GRAMD1C: variants seen among roughly 807,000 people sequenced by gnomAD.
GRAMD1C encodes GRAM domain containing 1C.
In GRAMD1C, 89 loss-of-function variants were observed where a neutral mutation model predicts 97.8. That is an observed-to-expected ratio of 0.91 (90% CI 0.77 to 1.09). GRAMD1C has a LOEUF of 1.09. GRAMD1C is among the 50% of genes least tolerant of loss of function. The probability of loss-of-function intolerance (pLI) is 0.00; values close to 1 mark genes in which losing one functional copy is unlikely to be tolerated. For synonymous variants in GRAMD1C, 256 were observed against 267.0 expected (o/e 0.96, Z 0.40); for missense variants, 740 against 766.4 (o/e 0.97, Z 0.41).
intron 6 of GRAMD1C, among the ~76,000 whole-genome samples, chr3:113,885,017 C>T (rs1935409001): frequency 2.7e-5 from 4 of 150,086 alleles, no homozygotes; most frequent in Admixed American, 2.6e-4. Flanking sequence ...CATCCTAGCC[C>T]GACCTGTCTC....
chr3:113,882,733 CT>C lies in GRAMD1C; in HGVS notation c.460-18del. 7.2e-7 allele frequency: 1 copy of C among 1,393,714 alleles called. No homozygotes were observed. The highest frequency in any genetic ancestry group is 1.0e-6 in the Non-Finnish European group (1 of 979,616). 86.3% of individuals were successfully genotyped at this position (1,393,714 alleles called of 1,614,324 possible). On this transcript the variant is annotated intron_variant, in intron 5 of 17. Coordinates refer to ENST00000358160, the MANE Select transcript of GRAMD1C (RefSeq NM_017577.5). The stretch of plus-strand genomic sequence containing the variant: ...TATTTTCCATGACACTAAAATTCTC[CT>C]ATTATTTTTCTTTGCAGTTTTTCTT...
chr3:113,914,380 A>T (rs1936723647), intron 9 of GRAMD1C, among the ~76,000 whole-genome samples: 2 of 152,210 alleles, frequency 1.3e-5, no homozygotes, highest in African/African-American at 4.8e-5. Context: ...GGAGACACAA[A>T]TCATCCAATG....
At chr3:113,887,244 C>T (rs1935541685) in intron 6 of GRAMD1C, among the ~76,000 whole-genome samples, 1 of 151,692 alleles carries the variant, frequency 6.6e-6, no homozygotes, top group Non-Finnish European at 1.5e-5. Flanking sequence ...GCGCCTGCCA[C>T]CACACCCAGC....
In GRAMD1C at chr3:113,909,193, G is replaced by A. The variant is rs1010337008; in HGVS notation, c.952+73G>A. On this transcript the variant is annotated intron_variant, in intron 9 of 17. Transcript: ENST00000358160. ...ATGTTTATCTTTGTAATAGGGGTGT[G>A]CAGATTGAGAATTTAGTTTTATTAG... 4.6e-5 allele frequency: 31 copies of A among 680,992 alleles called. No individual in the cohort carries two copies. The African/African-American group carries it at 5.2e-4, about 11-fold the overall frequency. The allele number at this position is 680,992 out of a possible 1,614,324, so 42.2% of individuals were successfully genotyped here. A position where few individuals can be genotyped will look rare whatever the true frequency, so the allele number is the denominator to read the frequency against.
intron 5 of GRAMD1C, among the ~76,000 whole-genome samples, chr3:113,877,961 G>A (rs1935112137): frequency 1.3e-5 from 2 of 152,180 alleles, no homozygotes; most frequent in South Asian, 4.2e-4. Flanking sequence ...TGTATTTTTA[G>A]TAGAGATGGG....
intron 3 of GRAMD1C, among the ~76,000 whole-genome samples, chr3:113,871,478 G>C (rs142810680): frequency 6.6e-6 from 1 of 151,894 alleles, no homozygotes; most frequent in East Asian, 1.9e-4. Context: ...GATCATCCTG[G>C]ACAACGTAGT....
chr3:113,914,835 T>A (rs1048286549), intron 9 of GRAMD1C, among the ~76,000 whole-genome samples: 1 of 152,192 alleles, frequency 6.6e-6, no homozygotes, highest in African/African-American at 2.4e-5. Flanking sequence ...ATTTCTGTGA[T>A]TCTGTTTCCC....
chr3:113,885,158 CCCGCT>C (rs1291865725), intron 6 of GRAMD1C: 3 of 606,920 alleles, frequency 4.9e-6, no homozygotes, highest in Non-Finnish European at 8.7e-6. Context: ...TTCTGAGCCG[CCCGCT>C]CCGTGCCCCT....
Position 113,938,095 on chromosome 3 carries a change from A to G in GRAMD1C, c.1643A>G (p.Lys548Arg). ...GAKGDITGKK[K>R]EMENYNVTLI... is the part of the protein sequence containing the mutation. The stretch of plus-strand genomic sequence containing the variant: ...TTCTTGTGATCTACAGGAAAGAAAA[A>G]GGAAATGGAAAACTATAACGTCACT... Residue 548 changes from lysine (K) to arginine (R), a missense_variant, in exon 15 of 18, where the codon AAG becomes AGG. Physicochemically the swap from Lys to Arg is conservative, Grantham distance 26. Transcript: ENST00000358160. The G allele has an allele frequency of 6.6e-7, 1 of 1,520,218 alleles. No individual in the cohort carries two copies. Among genetic ancestry groups the G allele is most frequent in the South Asian group, 1.2e-5 (1 of 85,362 alleles). 94.2% of individuals were successfully genotyped at this position (1,520,218 alleles called of 1,614,324 possible).
intron 5 of GRAMD1C, among the ~76,000 whole-genome samples, chr3:113,877,262 A>T (rs562052125): frequency 6.6e-6 from 1 of 152,348 alleles, no homozygotes; most frequent in East Asian, 1.9e-4. Flanking sequence ...ATCACCTTAG[A>T]TATTCTGGCA....
chr3:113,920,654 G>T (rs1937011624), intron 10 of GRAMD1C, among the ~76,000 whole-genome samples: 1 of 152,032 alleles, frequency 6.6e-6, no homozygotes, highest in African/African-American at 2.4e-5. Context: ...TGATTCTCCT[G>T]CTTATTCTCC....
intron 10 of GRAMD1C, among the ~76,000 whole-genome samples, chr3:113,916,843 A>C (rs962123206): frequency 2.0e-5 from 3 of 152,208 alleles, no homozygotes; most frequent in African/African-American, 7.2e-5. Flanking sequence ...TTCATTGATT[A>C]TGTGTTAAAA....
intron 2 of GRAMD1C, among the ~76,000 whole-genome samples, chr3:113,853,036 T>C (rs1353687725): frequency 1.3e-5 from 2 of 152,198 alleles, no homozygotes; most frequent in African/African-American, 4.8e-5. Context: ...AAACTTCAGA[T>C]AATAAAACTA....
chr3:113,882,832 G>GGTAA lies in GRAMD1C; in HGVS notation c.540+3_540+6dup. 9.4e-6 allele frequency: 14 copies of GGTAA among 1,491,090 alleles called. No individual in the cohort carries two copies. Among genetic ancestry groups the GGTAA allele is most frequent in the Non-Finnish European group, 1.2e-5 (13 of 1,069,554 alleles). The allele number at this position is 1,491,090 out of a possible 1,614,324, so 92.4% of individuals were successfully genotyped here. A position where few individuals can be genotyped will look rare whatever the true frequency, so the allele number is the denominator to read the frequency against. ...TGTGGCAGAATGTATTATTAGATAA[G>GGTAA]GTAAGTGTTCATACCAGAGGCAGTT... On this transcript the variant is annotated frameshift_variant and splice_region_variant. Coordinates refer to ENST00000358160, the MANE Select transcript of GRAMD1C (RefSeq NM_017577.5). LOFTEE classifies it high-confidence loss of function.
chr3:113,875,898 G>A (rs1056135520), intron 4 of GRAMD1C: 2 of 417,410 alleles, frequency 4.8e-6, no homozygotes, highest in Middle Eastern at 1.3e-3. Flanking sequence ...GTGTGTTAAT[G>A]TGGAGCATGA....
intron 5 of GRAMD1C, among the ~76,000 whole-genome samples, chr3:113,878,357 C>T (rs1577155056): frequency 6.6e-6 from 1 of 152,156 alleles, no homozygotes; most frequent in South Asian, 2.1e-4. Context: ...TTCCCTCCCC[C>T]AGCCCTGGGA....
chr3:113,877,205 C>G (rs1179180671), intron 5 of GRAMD1C, among the ~76,000 whole-genome samples: 1 of 152,194 alleles, frequency 6.6e-6, no homozygotes, highest in Non-Finnish European at 1.5e-5. Context: ...GTACAAAGAG[C>G]TTTTGCTCCT....
intron 2 of GRAMD1C, chr3:113,850,805 AT>A: frequency 1.4e-6 from 1 of 705,056 alleles, no homozygotes; most frequent in South Asian, 4.1e-5. Flanking sequence ...TATTTTTTTA[AT>A]TTTTATTTTT....
chr3:113,929,259 T>G (rs551518791), intron 10 of GRAMD1C, among the ~76,000 whole-genome samples: 2 of 152,360 alleles, frequency 1.3e-5, no homozygotes, highest in African/African-American at 2.4e-5. Context: ...CATATGTCCT[T>G]TTGCGTACTA....
Sources: gnomAD v4.1 joint callset for allele counts (sites outside exome capture counted in the v4.1 genomes callset) on GRCh38, gnomAD v4.1.1 for gene constraint, MANE v1.5 for transcripts, NCBI Gene and HGNC (gene_info 2026-07-23, HGNC 2026-07-21) for gene names.